The following RPGRIP1 variants were observed in gnomAD, a reference collection of about 807,000 sequenced individuals.
RPGRIP1 encodes RPGR interacting protein 1.
A neutral mutation model predicts 157.9 loss-of-function variants in RPGRIP1; 128 were observed. That is an observed-to-expected ratio of 0.81 (90% CI 0.70 to 0.94). The LOEUF is 0.94. Ranked by LOEUF, RPGRIP1 falls within the 40% of genes least tolerant of loss-of-function variation. RPGRIP1 has a pLI of 0.00. For missense variants in RPGRIP1, 1,486 were observed against 1,545.8 expected (o/e 0.96, Z 0.65); for synonymous variants, 554 against 571.6 (o/e 0.97, Z 0.44).
rs576011830 is a variant in RPGRIP1, at chr14:21,334,617, C to T, written c.3251C>T (p.Ser1084Phe). ...TCTTCTCTAGCAGACAAAGAATCCTCTGAACAAGGTTCTGAAGTCAGTGAA... is the reference window on the plus strand; with the variant it reads ...TCTTCTCTAGCAGACAAAGAATCCTTTGAACAAGGTTCTGAAGTCAGTGAA... ...PLHPVNDKES[S>F]EQGSEVSEAQ... Residue 1084 changes from serine (S) to phenylalanine (F), a missense_variant, in exon 21 of 25, where the codon TCT (serine) becomes TTT (phenylalanine). By Grantham distance (155) the Ser-to-Phe change is radical (BLOSUM62 -2). Transcript: ENST00000400017. 68 of 1,606,378 alleles carry T rather than the reference C, an allele frequency of 4.2e-5. 1 individual carries two copies. In the South Asian group the frequency reaches 6.8e-4, roughly 16 times the overall value.
chr14:21,325,690 T>G (rs1594215145), intron 16 of RPGRIP1, 141 bp from the exon 17 acceptor site: 8 of 702,340 alleles, frequency 1.1e-5, no homozygotes. Context: ...TGCAGGCAGG[T>G]GAAGATCATT....
intron 6 of RPGRIP1, 95 bp downstream of exon 6, chr14:21,303,638 T>C (rs1594175807): frequency 1.1e-6 from 1 of 951,964 alleles, no homozygotes; most frequent in Non-Finnish European, 1.6e-6. Context: ...AGGAAAAGAG[T>C]GTTTGGGATT....
intron 21 of RPGRIP1, among the ~76,000 whole-genome samples, chr14:21,337,849 G>A (rs907021389): frequency 2.7e-5 from 4 of 148,328 alleles, no homozygotes; most frequent in East Asian, 2.0e-4. Context: ...TCCGCCTCCC[G>A]GGTTCAAGCG....
chr14:21,310,843 A>G, intron 8 of RPGRIP1: 1 of 680,842 alleles, frequency 1.5e-6, no homozygotes, highest in South Asian at 1.5e-5. Flanking sequence ...AATATTTGGC[A>G]TGGTATTTTT....
chr14:21,323,304 C>G (rs1882703170), intron 14 of RPGRIP1, among the ~76,000 whole-genome samples: 1 of 151,978 alleles, frequency 6.6e-6, no homozygotes, highest in African/African-American at 2.4e-5. Flanking sequence ...CACCTGTAAC[C>G]CCAGATACTT....
Position 21,303,401 on chromosome 14 carries a change from A to G in RPGRIP1, c.658A>G (p.Met220Val), listed in dbSNP as rs371762530. The G allele has an allele frequency of 8.7e-5, 140 of 1,613,782 alleles. 2 individuals carry two copies. The highest frequency in any genetic ancestry group is 1.0e-4 in the Admixed American group (6 of 59,988). Residue 220 changes from methionine to valine, a missense_variant, in exon 6 of 25, where the codon ATG becomes GTG. Transcript: ENST00000400017. ...ISMAKPIGLC[M>V]PNSAHIMASN... is the part of the protein sequence containing the mutation. ...TATGGCTAAACCCATTGGTCTATGC[A>G]TGCCTAACAGTGCCCACATCATGGC...
intron 4 of RPGRIP1, 39 bp from the exon 5 acceptor site, chr14:21,302,449 A>T: frequency 1.7e-6 from 2 of 1,173,204 alleles, no homozygotes; most frequent in Non-Finnish European, 2.4e-6. Flanking sequence ...TCCGGAGGGT[A>T]CTGTTGCCCG....
intron 19 of RPGRIP1, 60 bp from the exon 20 acceptor site, chr14:21,330,189 A>G: frequency 6.7e-6 from 8 of 1,201,042 alleles, no homozygotes; most frequent in Non-Finnish European, 9.0e-6. Flanking sequence ...GGAAGGAAGG[A>G]ATGAAGAAAG....
chr14:21,324,510 C>A, intron 14 of RPGRIP1, 108 bp from the exon 15 acceptor site: 1 of 926,172 alleles, frequency 1.1e-6, no homozygotes, highest in Non-Finnish European at 1.7e-6. Context: ...GAAATAATCA[C>A]AACTTGGACT....
At chr14:21,350,688 G>C (rs1231449997) in intron 24 of RPGRIP1, among the ~76,000 whole-genome samples, 1 of 152,112 alleles carries the variant, frequency 6.6e-6, no homozygotes, top group Non-Finnish European at 1.5e-5. Context: ...CTTAAATAAG[G>C]GATTAAGGGG....
At position 21,310,611 on chromosome 14, in the gene RPGRIP1, C is replaced by A. The variant is rs1248710277; in HGVS notation, c.930+4C>A. On this transcript the variant is annotated splice_donor_region_variant and intron_variant, in intron 8 of 24. Transcript: ENST00000400017. Reference sequence around the variant, plus strand: ...ATACGAAACCTTGCTCCAGAAGGTACTTAATGAGAATTGAGTCTCTGTTTC... The same window carrying A: ...ATACGAAACCTTGCTCCAGAAGGTAATTAATGAGAATTGAGTCTCTGTTTC... 1.4e-6 allele frequency: 2 copies of A among 1,458,434 alleles called. No individual in the cohort carries two copies. The highest frequency in any genetic ancestry group is 1.9e-6 in the Non-Finnish European group (2 of 1,074,388). The allele number at this position is 1,458,434 out of a possible 1,614,324, so 90.3% of individuals were successfully genotyped here.
chr14:21,290,486 C>A (rs1487903398), intron 2 of RPGRIP1, among the ~76,000 whole-genome samples: 2 of 152,084 alleles, frequency 1.3e-5, no homozygotes, highest in Admixed American at 1.3e-4. Flanking sequence ...CTAGCCTGGT[C>A]AGAACAGTGA....
At chr14:21,344,862 C>A (rs556153550) in intron 22 of RPGRIP1, among the ~76,000 whole-genome samples, 2 of 152,112 alleles carry the variant, frequency 1.3e-5, no homozygotes, top group Non-Finnish European at 2.9e-5. Context: ...AGGAGAATCG[C>A]TTGAACTTGG....
At chr14:21,282,276 C>T (rs1336922338) in intron 1 of RPGRIP1, among the ~76,000 whole-genome samples, 4 of 151,988 alleles carry the variant, frequency 2.6e-5, no homozygotes, top group Non-Finnish European at 5.9e-5. Flanking sequence ...CTTGCTCTGT[C>T]ACCCGGCTGG....
intron 1 of RPGRIP1, among the ~76,000 whole-genome samples, chr14:21,285,474 A>G (rs560001466): frequency 7.2e-5 from 11 of 151,870 alleles, no homozygotes; most frequent in African/African-American, 2.7e-4. Context: ...GCATGGTGGC[A>G]CGTGCCTGTA....
Position 21,317,787 on chromosome 14 carries a change from G to T in RPGRIP1, c.1243G>T (p.Asp415Tyr), listed in dbSNP as rs1881921308. ...ACAGCAGCAAGTCTCTCAGCTGCAG[G>T]ATCAGCTGGATGCTGAGCTGGAGGA... is the stretch of plus-strand genomic sequence containing the variant. ...QLQQQVSQLQ[D>Y]QLDAELEDKR... The change falls in exon 11 of 25, where the codon GAT becomes TAT. Residue 415 changes from aspartate (D) to tyrosine (Y), a missense_variant. By Grantham distance (160) the Asp-to-Tyr change is radical (BLOSUM62 -3). Transcript: ENST00000400017. 1 of 1,603,066 alleles carries T rather than the reference G, an allele frequency of 6.2e-7. No individual in the cohort carries two copies.
chr14:21,338,887 C>T (rs1182210700), intron 21 of RPGRIP1, among the ~76,000 whole-genome samples: 2 of 152,136 alleles, frequency 1.3e-5, no homozygotes, highest in African/African-American at 2.4e-5. Context: ...GCCTGTAATC[C>T]CAGCACTTTG....
Position 21,321,281 on chromosome 14 carries a change from A to G in RPGRIP1, c.1490A>G (p.Glu497Gly). The change falls in exon 13 of 25, where the codon GAA becomes GGA. Residue 497 changes from glutamate (E) to glycine (G), a missense_variant. Physicochemically the swap from Glu to Gly is moderately conservative, Grantham distance 98 (BLOSUM62 -2). Transcript: ENST00000400017. ...QIEPSEPKNQ[E>G]EKKLSQVLNE... ...CAGCCAAGTGAACCCAAAAACCAAG[A>G]AGAAAAGAAACTGTCCCAGGTGCTA... 6.2e-7 allele frequency: 1 copy of G among 1,613,468 alleles called. No homozygotes were observed. Among genetic ancestry groups the G allele is most frequent in the African/African-American group, 1.3e-5 (1 of 74,998 alleles).
chr14:21,294,792 A>G lies in RPGRIP1; in HGVS notation c.201A>G (p.Gln67=). 1.2e-6 allele frequency: 2 copies of G among 1,601,192 alleles called. No homozygotes were observed. The highest frequency in any genetic ancestry group is 1.7e-6 in the Non-Finnish European group (2 of 1,173,184). Residue 67 remains glutamine (Q), a synonymous_variant, in exon 3 of 25, where the codon CAA becomes CAG. Coordinates refer to ENST00000400017, the MANE Select transcript of RPGRIP1 (RefSeq NM_020366.4). ...HMLVKELSWK[Q]QDEIKRLRTT... ...TGGTGAAGGAGCTTTCTTGGAAGCA[A>G]CAGGATGAGATCAAAAGGTACTTAG...
Sources: gnomAD v4.1 joint callset for allele counts (sites outside exome capture counted in the v4.1 genomes callset) on GRCh38, gnomAD v4.1.1 for gene constraint, MANE v1.5 for transcripts, NCBI Gene and HGNC (gene_info 2026-07-23, HGNC 2026-07-21) for gene names.